The following EFHD1 variants were observed in gnomAD, a reference collection of about 807,000 sequenced individuals.
The protein encoded by EFHD1 is EF-hand domain family member D1, also known as EF-hand domain-containing protein D1.
Under a neutral mutation model 17.2 loss-of-function variants are expected in EFHD1, and 10 were observed. The ratio of observed to expected loss-of-function variants is 0.58; its 90% CI spans 0.36 to 0.99. EFHD1 has a LOEUF of 0.99. Ranked by LOEUF, EFHD1 falls within the 50% of genes least tolerant of loss-of-function variation. The pLI, the probability that EFHD1 is intolerant of heterozygous loss-of-function variation, is 0.01. For synonymous variants in EFHD1, 153 were observed against 142.0 expected (o/e 1.08, Z -0.55); for missense variants, 310 against 327.5 (o/e 0.95, Z 0.41).
intron 2 of EFHD1, among the ~76,000 whole-genome samples, chr2:232,671,177 G>A (rs1695062240): frequency 6.6e-6 from 1 of 152,022 alleles, no homozygotes; most frequent in Non-Finnish European, 1.5e-5. Context: ...CCTCACACCT[G>A]TAATTTCAGC....
intron 1 of EFHD1, among the ~76,000 whole-genome samples, chr2:232,647,659 G>A (rs935320773): frequency 3.0e-4 from 11 of 37,280 alleles, no homozygotes; most frequent in African/African-American, 6.6e-4. Context: ...TTTTTGAGAC[G>A]GAGTTTTGCT....
chr2:232,631,085 G>A (rs904577681), upstream of EFHD1, among the ~76,000 whole-genome samples: 3 of 152,010 alleles, frequency 2.0e-5, no homozygotes, highest in Admixed American at 2.0e-4. Context: ...ATATTAGCTG[G>A]GCTTGGTGGT....
intron 1 of EFHD1, among the ~76,000 whole-genome samples, chr2:232,645,619 C>T (rs1266206086): frequency 6.6e-6 from 1 of 152,180 alleles, no homozygotes; most frequent in African/African-American, 2.4e-5. Context: ...CTAAATGCGT[C>T]GTGCCTCTCC....
At chr2:232,614,254 C>T (rs936648176) in intron 1 of EFHD1, among the ~76,000 whole-genome samples, 2 of 152,060 alleles carry the variant, frequency 1.3e-5, no homozygotes, top group Non-Finnish European at 2.9e-5. Flanking sequence ...GAACTGCATG[C>T]CTCAAATTAT....
upstream of EFHD1, chr2:232,633,444 C>T: frequency 8.3e-7 from 1 of 1,209,758 alleles, no homozygotes; most frequent in Admixed American, 4.5e-5. Flanking sequence ...AGGTCGGGGT[C>T]TCCGGGACGC....
intron 1 of EFHD1, among the ~76,000 whole-genome samples, chr2:232,658,195 A>C (rs1694797175): frequency 1.3e-5 from 2 of 151,646 alleles, no homozygotes; most frequent in Admixed American, 1.3e-4. Flanking sequence ...GAGCCACTGC[A>C]CCCAGCCAGG....
intron 3 of EFHD1, among the ~76,000 whole-genome samples, chr2:232,680,231 C>T (rs747922443): frequency 1.2e-4 from 18 of 151,530 alleles, no homozygotes; most frequent in Admixed American, 5.3e-4. Flanking sequence ...GCTGAGATTG[C>T]GCCATTGTAC....
intron 1 of EFHD1, among the ~76,000 whole-genome samples, chr2:232,622,207 C>T (rs1186619842): frequency 6.6e-6 from 1 of 152,216 alleles, no homozygotes. Context: ...GTGGCTTACG[C>T]CTGTAATCCC....
At chr2:232,607,928 T>TG (rs1693750338) in intron 1 of EFHD1, among the ~76,000 whole-genome samples, 1 of 103,662 alleles carries the variant, frequency 9.6e-6, no homozygotes, top group Non-Finnish European at 2.0e-5. Context: ...ACCCTGTCTC[T>TG]ATTTTTTTTA....
At chr2:232,654,024 T>G (rs62191639) in intron 1 of EFHD1, among the ~76,000 whole-genome samples, 66,391 of 151,628 alleles carry the variant, frequency 0.44, 15,657 homozygotes, top group South Asian at 0.57. Flanking sequence ...CTGACCAACA[T>G]GGAGAAACCC....
chr2:232,638,699 A>T (rs1486378097), intron 1 of EFHD1, among the ~76,000 whole-genome samples: 1 of 152,182 alleles, frequency 6.6e-6, no homozygotes, highest in Non-Finnish European at 1.5e-5. Flanking sequence ...TTTTGAGTGA[A>T]TTGACTCTAA....
intron 1 of EFHD1, among the ~76,000 whole-genome samples, chr2:232,644,885 G>A (rs1164031661): frequency 1.4e-5 from 2 of 138,904 alleles, no homozygotes; most frequent in Non-Finnish European, 3.0e-5. Context: ...CAGGTGATCC[G>A]CCCACCTCGA....
At chr2:232,606,914 T>TA (rs140902817) in intron 1 of EFHD1, among the ~76,000 whole-genome samples, 39,423 of 147,874 alleles carry the variant, frequency 0.27, 6,630 homozygotes, top group Middle Eastern at 0.44. Flanking sequence ...AAATAAAAAT[T>TA]AAAAAAAAAT....
chr2:232,649,036 G>A (rs1264840955), intron 1 of EFHD1, among the ~76,000 whole-genome samples: 1 of 152,184 alleles, frequency 6.6e-6, no homozygotes, highest in Non-Finnish European at 1.5e-5. Flanking sequence ...AGGCTGGCCA[G>A]CTTCTTTTTC....
chr2:232,650,103 A>G (rs1245961977), intron 1 of EFHD1: 1 of 152,112 alleles, frequency 6.6e-6, no homozygotes, highest in African/African-American at 2.4e-5. Flanking sequence ...TCCTGTGAAT[A>G]GCCACTGCAC....
intron 1 of EFHD1, among the ~76,000 whole-genome samples, chr2:232,626,695 T>A (rs1694108406): frequency 6.6e-6 from 1 of 152,196 alleles, no homozygotes; most frequent in Admixed American, 6.5e-5. Flanking sequence ...GCATTTGTGC[T>A]GTTGTTTGTG....
intron 1 of EFHD1, among the ~76,000 whole-genome samples, chr2:232,614,085 A>G (rs979797177): frequency 4.5e-5 from 2 of 44,336 alleles, no homozygotes; most frequent in African/African-American, 6.4e-5. Flanking sequence ...ATACACACAT[A>G]TATACACACA....
intron 1 of EFHD1, among the ~76,000 whole-genome samples, chr2:232,656,963 A>G (rs1694775348): frequency 6.6e-6 from 1 of 151,946 alleles, no homozygotes; most frequent in Non-Finnish European, 1.5e-5. Flanking sequence ...ATTTTTTTGT[A>G]GAGATGGGGT....
chr2:232,679,265 T>A (rs1429397519), intron 3 of EFHD1, among the ~76,000 whole-genome samples: 1 of 152,186 alleles, frequency 6.6e-6, no homozygotes, highest in Non-Finnish European at 1.5e-5. Flanking sequence ...TACATCAAAA[T>A]TTTAAATATG....
Sources: gnomAD v4.1 joint callset for allele counts (sites outside exome capture counted in the v4.1 genomes callset) on GRCh38, gnomAD v4.1.1 for gene constraint, MANE v1.5 for transcripts, NCBI Gene and HGNC (gene_info 2026-07-23, HGNC 2026-07-21) for gene names.